Variants in ZNF831 observed in about 807,000 individuals in gnomAD.
ZNF831 encodes the protein zinc finger protein 831.
In ZNF831, 59 loss-of-function variants were observed where a neutral mutation model predicts 95.8. The ratio of observed to expected loss-of-function variants is 0.62; its 90% CI spans 0.50 to 0.77. The LOEUF (loss-of-function observed/expected upper bound fraction) is 0.77. Ranked by LOEUF, ZNF831 falls within the 30% of genes least tolerant of loss-of-function variation. The pLI is 0.00. For synonymous variants in ZNF831, 961 were observed against 925.5 expected (o/e 1.04, Z -0.70); for missense variants, 2,205 against 2,164.0 (o/e 1.02, Z -0.38).
Position 59,194,196 on chromosome 20 carries a change from G to T in ZNF831, c.3177G>T (p.Thr1059=). 6.2e-7 allele frequency: 1 copy of T among 1,609,686 alleles called. No homozygotes were observed. The highest frequency in any genetic ancestry group is 1.3e-5 in the African/African-American group (1 of 74,998). The part of the protein sequence containing the change: ...REATSSPPTP[T]CEAHLVQDME... ...CTACCTCCTCCCCGCCCACTCCAAC[G>T]TGTGAGGCACACTTAGTTCAGGACA... The change falls in exon 2 of 6, where the codon ACG becomes ACT. Residue 1059 remains threonine (T), a synonymous_variant. Transcript: ENST00000371030.
At chr20:59,162,487 CT>C (rs1334792912), upstream of ZNF831, among the ~76,000 whole-genome samples, 1 of 152,184 alleles carries the variant, frequency 6.6e-6, no homozygotes, top group Non-Finnish European at 1.5e-5. Flanking sequence ...ACTAATCACT[CT>C]ATTCAACATT....
intron 4 of ZNF831, among the ~76,000 whole-genome samples, chr20:59,225,306 A>G (rs1986358135): frequency 6.6e-6 from 1 of 152,052 alleles, no homozygotes; most frequent in African/African-American, 2.4e-5. Flanking sequence ...CTCGCCTTGG[A>G]TTTTCCACGG....
chr20:59,191,907 A>G lies in ZNF831; in HGVS notation c.888A>G (p.Gln296=), dbSNP rs2146556164. 1 of 1,612,378 alleles carries G rather than the reference A, an allele frequency of 6.2e-7. No individual in the cohort carries two copies. Among genetic ancestry groups the G allele is most frequent in the Non-Finnish European group, 8.5e-7 (1 of 1,179,826 alleles). ...ASPGLPAAST[Q]PWRKLPEQKS... ...CTGGGCTCCCAGCGGCCAGCACACA[A>G]CCCTGGCGTAAGTTGCCAGAGCAGA... The change falls in exon 2 of 6, where the codon CAA becomes CAG. Residue 296 remains glutamine (Q), a synonymous_variant. Coordinates refer to ENST00000371030, the MANE Select transcript of ZNF831 (RefSeq NM_178457.3).
intron 1 of ZNF831, among the ~76,000 whole-genome samples, chr20:59,184,509 A>G (rs954574224): frequency 6.6e-6 from 1 of 152,136 alleles, no homozygotes; most frequent in African/African-American, 2.4e-5. Flanking sequence ...GTGCATTCAC[A>G]TTGCATGCAT....
chr20:59,234,075 C>A (rs904369982), intron 4 of ZNF831, among the ~76,000 whole-genome samples: 2 of 152,180 alleles, frequency 1.3e-5, no homozygotes, highest in Non-Finnish European at 2.9e-5. Flanking sequence ...CATGGTGGGC[C>A]ACCTTGGGGT....
chr20:59,167,252 G>A (rs1341114863), intron 1 of ZNF831, among the ~76,000 whole-genome samples: 2 of 152,044 alleles, frequency 1.3e-5, no homozygotes, highest in Admixed American at 6.5e-5. Context: ...CTTGCTTCAT[G>A]TGTTTGCACA....
At chr20:59,130,311 T>G (rs1431527306) in intron 1 of ZNF831, among the ~76,000 whole-genome samples, 1 of 152,196 alleles carries the variant, frequency 6.6e-6, no homozygotes, top group Non-Finnish European at 1.5e-5. Context: ...CTTTTCTCCC[T>G]GTGTTTTTCC....
chr20:59,199,932 C>T (rs260002), intron 3 of ZNF831, among the ~76,000 whole-genome samples: 50,898 of 151,938 alleles, frequency 0.33, 10,407 homozygotes, highest in African/African-American at 0.58. Context: ...TATTACTCTG[C>T]AAATATATTT....
At chr20:59,184,455 A>G (rs1486723899) in intron 1 of ZNF831, among the ~76,000 whole-genome samples, 2 of 152,026 alleles carry the variant, frequency 1.3e-5, no homozygotes, top group African/African-American at 4.8e-5. Flanking sequence ...TACATAAAAT[A>G]TAACACTTTC....
intron 3 of ZNF831, among the ~76,000 whole-genome samples, chr20:59,203,474 G>A (rs1395095890): frequency 6.6e-6 from 1 of 152,108 alleles, no homozygotes; most frequent in African/African-American, 2.4e-5. Flanking sequence ...GCACCACCAT[G>A]CCTGGCTTGG....
intron 4 of ZNF831, among the ~76,000 whole-genome samples, chr20:59,249,180 G>T (rs1003104624): frequency 2.6e-5 from 4 of 152,146 alleles, no homozygotes; most frequent in Non-Finnish European, 4.4e-5. Context: ...CATTTCTGAT[G>T]TCGCCTTTCT....
At chr20:59,219,860 C>G (rs117740870) in intron 4 of ZNF831, among the ~76,000 whole-genome samples, 10 of 151,962 alleles carry the variant, frequency 6.6e-5, no homozygotes, top group Admixed American at 6.6e-4. Context: ...ATGTCTGTGC[C>G]GACAGAAGGT....
chr20:59,171,416 C>T (rs889746341), intron 1 of ZNF831, among the ~76,000 whole-genome samples: 8 of 152,236 alleles, frequency 5.3e-5, no homozygotes, highest in African/African-American at 1.9e-4. Context: ...GCCTGTGCAG[C>T]CCCATGTGTA....
At chr20:59,200,453 T>C (rs1275155590) in intron 3 of ZNF831, among the ~76,000 whole-genome samples, 1 of 152,208 alleles carries the variant, frequency 6.6e-6, no homozygotes, top group Admixed American at 6.5e-5. Flanking sequence ...AATCTACTAT[T>C]TTTTGTAAAG....
chr20:59,173,606 C>T (rs775927846), intron 1 of ZNF831, among the ~76,000 whole-genome samples: 1 of 152,224 alleles, frequency 6.6e-6, no homozygotes, highest in Non-Finnish European at 1.5e-5. Flanking sequence ...CAGGTGATGG[C>T]TTTATTAATT....
At chr20:59,144,826 C>G (rs1979791789) in intron 1 of ZNF831, among the ~76,000 whole-genome samples, 1 of 152,202 alleles carries the variant, frequency 6.6e-6, no homozygotes, top group East Asian at 1.9e-4. Context: ...TTTCAGGCTT[C>G]TGTTCTTCTG....
At position 59,192,132 on chromosome 20, in the gene ZNF831, C is replaced by T. The variant is rs1307974576; in HGVS notation, c.1113C>T (p.Ala371=). 3.2e-6 allele frequency: 5 copies of T among 1,569,604 alleles called. No individual in the cohort carries two copies. Among genetic ancestry groups the T allele is most frequent in the Non-Finnish European group, 3.4e-6 (4 of 1,164,014 alleles). ...TGCACAGCCTTTCGGAGCACAGCGC[C>T]GAGTCCGAGGGGGAGGGCGGCCCGG... ...SPLHSLSEHS[A]ESEGEGGPGP... The change falls in exon 2 of 6, where the codon GCC becomes GCT. Residue 371 remains alanine (A), a synonymous_variant. Coordinates refer to ENST00000371030, the MANE Select transcript of ZNF831 (RefSeq NM_178457.3). The surrounding 1 kb of genome is among the most constrained non-coding windows in gnomAD (Gnocchi z 5.2).
At chr20:59,138,753 G>T (rs1979587329) in intron 1 of ZNF831, among the ~76,000 whole-genome samples, 1 of 152,184 alleles carries the variant, frequency 6.6e-6, no homozygotes. Flanking sequence ...CCATCAATCT[G>T]GGGTCTTGAA....
intron 4 of ZNF831, among the ~76,000 whole-genome samples, chr20:59,232,938 A>G (rs1986803480): frequency 1.4e-5 from 2 of 147,350 alleles, no homozygotes; most frequent in South Asian, 4.3e-4. Flanking sequence ...AACTTTCTCC[A>G]TCTTTGTTGC....
Sources: allele counts gnomAD v4.1 joint callset (sites outside exome capture counted in the v4.1 genomes callset), GRCh38; gene constraint gnomAD v4.1.1; non-coding constraint Gnocchi (gnomAD v3.1); transcripts MANE v1.5; gene names NCBI Gene and HGNC (gene_info 2026-07-23, HGNC 2026-07-21).